LRP1B: variants seen among roughly 807,000 people sequenced by gnomAD.
LRP1B encodes low-density lipoprotein receptor-related protein 1B.
A neutral mutation model predicts 556.6 loss-of-function variants in LRP1B; 217 were observed. The ratio of observed to expected loss-of-function variants is 0.39; its 90% CI spans 0.35 to 0.44. The LOEUF (loss-of-function observed/expected upper bound fraction) is 0.44. Among genes scored for constraint, LRP1B ranks in the 20% least tolerant of loss-of-function variants. The pLI, the probability that LRP1B is intolerant of heterozygous loss-of-function variation, is 1.00. For synonymous variants in LRP1B, 2,047 were observed against 1,865.8 expected (o/e 1.10, Z -2.50); for missense variants, 5,053 against 5,620.8 (o/e 0.90, Z 3.23).
intron 31 of LRP1B, among the ~76,000 whole-genome samples, chr2:140,831,685 C>G (rs1358932839): frequency 6.6e-6 from 1 of 151,970 alleles, no homozygotes; most frequent in Non-Finnish European, 1.5e-5. Flanking sequence ...TTATATGAAA[C>G]AAAAAGGTTT....
intron 3 of LRP1B, among the ~76,000 whole-genome samples, chr2:141,289,990 G>T (rs908340428): frequency 6.6e-6 from 1 of 152,118 alleles, no homozygotes; most frequent in Non-Finnish European, 1.5e-5. Context: ...ATTTATGAAT[G>T]AAGAACTTGA....
At chr2:141,970,869 C>T (rs1252078280) in intron 1 of LRP1B, among the ~76,000 whole-genome samples, 1 of 151,522 alleles carries the variant, frequency 6.6e-6, no homozygotes. Flanking sequence ...GCAAATTATT[C>T]TGTTTATTCA....
chr2:142,075,407 A>T (rs1209488709), intron 1 of LRP1B, among the ~76,000 whole-genome samples: 2 of 152,072 alleles, frequency 1.3e-5, no homozygotes, highest in Admixed American at 6.6e-5. Context: ...TATAAATAGA[A>T]AGGAATGGAG....
chr2:141,521,866 A>AT (rs200789506), intron 2 of LRP1B, among the ~76,000 whole-genome samples: 1,644 of 152,234 alleles, frequency 0.011, 14 homozygotes, highest in Non-Finnish European at 0.015. Flanking sequence ...ATTTGTACTA[A>AT]TTTTACCAAT....
chr2:140,869,950 T>C (rs1331285236), intron 25 of LRP1B, among the ~76,000 whole-genome samples: 2 of 152,118 alleles, frequency 1.3e-5, no homozygotes, highest in Non-Finnish European at 2.9e-5. Flanking sequence ...TGCAAGTTCA[T>C]GGAAGCTGCC....
chr2:141,135,947 T>G (rs1049287666), intron 7 of LRP1B, among the ~76,000 whole-genome samples: 3 of 148,702 alleles, frequency 2.0e-5, no homozygotes, highest in Non-Finnish European at 4.4e-5. Context: ...CACATACAAA[T>G]AGAAATGATT....
chr2:141,577,293 G>A (rs1686786915), intron 2 of LRP1B, among the ~76,000 whole-genome samples: 1 of 151,850 alleles, frequency 6.6e-6, no homozygotes, highest in African/African-American at 2.4e-5. Flanking sequence ...GTATGATTTG[G>A]GGGATTATCA....
At chr2:141,131,681 AAG>A (rs1303047975) in intron 7 of LRP1B, among the ~76,000 whole-genome samples, 2 of 151,960 alleles carry the variant, frequency 1.3e-5, no homozygotes, top group African/African-American at 4.8e-5. Context: ...CATAAAAAAA[AAG>A]AGACAGATTT....
intron 1 of LRP1B, among the ~76,000 whole-genome samples, chr2:142,010,247 T>C (rs1381201828): frequency 6.6e-6 from 1 of 151,998 alleles, no homozygotes; most frequent in Non-Finnish European, 1.5e-5. Flanking sequence ...TGACTACAAA[T>C]GTTAATCATT....
intron 43 of LRP1B, among the ~76,000 whole-genome samples, chr2:140,546,492 A>C (rs1050234110): frequency 1.3e-5 from 2 of 152,144 alleles, no homozygotes; most frequent in Non-Finnish European, 2.9e-5. Flanking sequence ...AAGGGGTAGC[A>C]AACACGTTCT....
intron 6 of LRP1B, among the ~76,000 whole-genome samples, chr2:141,203,092 A>G (rs1051950244): frequency 2.0e-5 from 3 of 152,198 alleles, no homozygotes; most frequent in East Asian, 1.9e-4. Flanking sequence ...AACATAGCAA[A>G]TTGTAAAGAA....
intron 43 of LRP1B, among the ~76,000 whole-genome samples, chr2:140,583,850 T>A (rs966541185): frequency 3.3e-5 from 5 of 152,112 alleles, no homozygotes; most frequent in African/African-American, 9.7e-5. Flanking sequence ...TATAAAAAAA[T>A]GACTTTTCTG....
At chr2:141,160,628 G>T (rs992887858) in intron 7 of LRP1B, among the ~76,000 whole-genome samples, 3 of 151,698 alleles carry the variant, frequency 2.0e-5, no homozygotes, top group Non-Finnish European at 4.4e-5. Context: ...CGGGCCTTAT[G>T]CTGACTTGGA....
rs1353786555 is a variant in LRP1B at position 141,408,347 on chromosome 2, T to C, written c.343+72049A>G. On this transcript the variant is annotated intron_variant, in intron 3 of 90. Coordinates refer to ENST00000389484, the MANE Select transcript of LRP1B (RefSeq NM_018557.3). ...TTTTAGTAGAGATGGCGTTTCACCA[T>C]GTTAGCCAGGATGGTCTCGATCTCC... is the stretch of plus-strand genomic sequence containing the variant. 2.6e-5 allele frequency among the ~76,000 whole-genome samples: 4 copies of C among 152,108 alleles called. No homozygotes were observed. In the East Asian group the frequency reaches 7.8e-4, roughly 30 times the overall value.
At chr2:141,829,392 A>G (rs1697038433) in intron 1 of LRP1B, among the ~76,000 whole-genome samples, 1 of 152,122 alleles carries the variant, frequency 6.6e-6, no homozygotes, top group Admixed American at 6.5e-5. Context: ...TTTAAGGATG[A>G]GATTTTCCAA....
intron 66 of LRP1B, among the ~76,000 whole-genome samples, chr2:140,429,946 T>C (rs1685846708): frequency 6.6e-6 from 1 of 152,196 alleles, no homozygotes; most frequent in South Asian, 2.1e-4. Flanking sequence ...TCACTCTTTG[T>C]TGAGTCTCCC....
intron 7 of LRP1B, among the ~76,000 whole-genome samples, chr2:141,146,705 C>T (rs1701792478): frequency 6.6e-6 from 1 of 152,122 alleles, no homozygotes; most frequent in Admixed American, 6.5e-5. Context: ...TTTTGTCCTC[C>T]ACTCTCTTGG....
At chr2:140,635,431 A>T (rs1213387228) in intron 41 of LRP1B, among the ~76,000 whole-genome samples, 1 of 150,856 alleles carries the variant, frequency 6.6e-6, no homozygotes, top group African/African-American at 2.4e-5. Flanking sequence ...CTGTAAGTTA[A>T]AAAAAAAATT....
chr2:141,554,188 A>G (rs1685871825), intron 2 of LRP1B, among the ~76,000 whole-genome samples: 1 of 146,106 alleles, frequency 6.8e-6, no homozygotes, highest in Admixed American at 6.9e-5. Flanking sequence ...AGACCTAGAT[A>G]TGGGTTATAT....
Sources: allele counts gnomAD v4.1 joint callset (sites outside exome capture counted in the v4.1 genomes callset), GRCh38; gene constraint gnomAD v4.1.1; transcripts MANE v1.5; gene names NCBI Gene and HGNC (gene_info 2026-07-23, HGNC 2026-07-21).